FGD4: variants seen among roughly 807,000 people sequenced by gnomAD.
FGD4 encodes FYVE, RhoGEF and PH domain-containing protein 4.
Under a neutral mutation model 102.0 loss-of-function variants are expected in FGD4, and 42 were observed. That is an observed-to-expected ratio of 0.41 (90% confidence interval 0.32 to 0.53). The LOEUF is 0.53. Ranked by LOEUF, FGD4 falls within the 20% of genes least tolerant of loss-of-function variation. FGD4 has a pLI of 0.21. For missense variants in FGD4, 902 were observed against 1,078.2 expected, an observed-to-expected ratio of 0.84 and a Z score of 2.29; for synonymous variants, 380 against 375.7, an observed-to-expected ratio of 1.01 and a Z score of -0.13.
At chr12:32,464,120 T>C (rs1943184118) in intron 1 of FGD4, among the ~76,000 whole-genome samples, 1 of 152,170 alleles carries the variant, frequency 6.6e-6, no homozygotes, top group South Asian at 2.1e-4. Flanking sequence ...TGAAACGTTA[T>C]GTATGTACAT....
chr12:32,640,451 C>G lies in FGD4; in HGVS notation c.2630C>G (p.Thr877Arg), dbSNP rs1460751215. 1 of 1,614,142 alleles carries G rather than the reference C, an allele frequency of 6.2e-7. No homozygotes were observed. ...KWLKVILLAV[T>R]GETPGGPNEH... ...CTGAAAGTCATCCTTTTAGCTGTCACAGGTGAGACACCAGGTGGTCCAAAT... is the reference window on the plus strand; with the variant it reads ...CTGAAAGTCATCCTTTTAGCTGTCAGAGGTGAGACACCAGGTGGTCCAAAT... The change falls in exon 17 of 17, where the codon ACA becomes AGA. Residue 877 changes from threonine to arginine, a missense_variant. This residue lies in a region of FGD4 where 459 missense variants were observed against 619.0 expected (regional missense o/e 0.74). Transcript: ENST00000534526.
In FGD4 at chr12:32,506,344, C is replaced by T. The variant is rs1166049677; in HGVS notation, c.167-57793C>T. On this transcript the variant is annotated intron_variant, in intron 1 of 16. Transcript: ENST00000534526. The surrounding 1 kb of genome is among the most constrained non-coding windows in gnomAD (Gnocchi z 4.5). Reference sequence around the variant, plus strand: ...CATTAACTGCCAAGCCAATTGGATGCATATGTTTCTCAGCTTGCAGGCATT... The same window carrying T: ...CATTAACTGCCAAGCCAATTGGATGTATATGTTTCTCAGCTTGCAGGCATT... Among the ~76,000 whole-genome samples, 1 of 152,168 alleles carries T rather than the reference C, an allele frequency of 6.6e-6. No individual in the cohort carries two copies. Among genetic ancestry groups the T allele is most frequent in the African/African-American group, 2.4e-5 (1 of 41,442 alleles).
intron 1 of FGD4, chr12:32,534,568 T>A (rs1417546932): frequency 1.1e-6 from 1 of 905,770 alleles, no homozygotes; most frequent in Non-Finnish European, 1.5e-6. Flanking sequence ...TAACACTGCA[T>A]GCCGAGGGAT....
chr12:32,632,721 T>A (rs974228127), intron 14 of FGD4, among the ~76,000 whole-genome samples: 13 of 134,588 alleles, frequency 9.7e-5, no homozygotes, highest in Admixed American at 3.9e-4. Context: ...TTATTTTTTT[T>A]TTTTGAGACA....
intron 1 of FGD4, among the ~76,000 whole-genome samples, chr12:32,426,075 C>T (rs1941819926): frequency 6.6e-6 from 1 of 152,126 alleles, no homozygotes; most frequent in Non-Finnish European, 1.5e-5. Context: ...TGCCTGATTG[C>T]CCTGGCCAGA....
At chr12:32,550,831 AC>A (rs1198908772) in intron 1 of FGD4, among the ~76,000 whole-genome samples, 4 of 152,182 alleles carry the variant, frequency 2.6e-5, no homozygotes, top group Non-Finnish European at 5.9e-5. Context: ...AATCCAGGAC[AC>A]ACATTTACAA....
At chr12:32,557,213 A>T (rs1181365225) in intron 1 of FGD4, among the ~76,000 whole-genome samples, 2 of 152,220 alleles carry the variant, frequency 1.3e-5, no homozygotes, top group Non-Finnish European at 2.9e-5. Context: ...ATAGATTTTT[A>T]AAAATATAAG....
chr12:32,474,736 T>A (rs989897307), intron 1 of FGD4, among the ~76,000 whole-genome samples: 1 of 151,814 alleles, frequency 6.6e-6, no homozygotes. Context: ...ATGGCGAAAT[T>A]TCTACAAAAA....
chr12:32,629,516 T>C (rs1950372154), intron 14 of FGD4, among the ~76,000 whole-genome samples: 1 of 152,244 alleles, frequency 6.6e-6, no homozygotes, highest in South Asian at 2.1e-4. Context: ...AGAAAAGTTA[T>C]GATATGTTAT....
chr12:32,625,378 T>C (rs182643844), intron 13 of FGD4, among the ~76,000 whole-genome samples: 45 of 151,908 alleles, frequency 3.0e-4, no homozygotes, highest in African/African-American at 1.0e-3. Context: ...CAAGCGATTT[T>C]CCTGCCTTAG....
At chr12:32,444,652 G>A (rs750637406) in intron 1 of FGD4, among the ~76,000 whole-genome samples, 8 of 152,056 alleles carry the variant, frequency 5.3e-5, no homozygotes, top group Non-Finnish European at 8.8e-5. Flanking sequence ...TGACCCACCC[G>A]CCCCGGCTTC....
chr12:32,624,568 T>G, intron 12 of FGD4, 116 bp downstream of exon 12: 2 of 880,360 alleles, frequency 2.3e-6, no homozygotes, highest in Non-Finnish European at 3.6e-6. Flanking sequence ...CTGTCTGGGC[T>G]CAAGCAAGCC....
chr12:32,627,647 TAAATTTA>T (rs1411904632), intron 14 of FGD4, among the ~76,000 whole-genome samples: 1 of 152,066 alleles, frequency 6.6e-6, no homozygotes, highest in East Asian at 1.9e-4. Context: ...TTTACAGTTA[TAAATTTA>T]AAGGGACACT....
chr12:32,409,487 C>T (rs796415438), intron 1 of FGD4, among the ~76,000 whole-genome samples: 1 of 151,838 alleles, frequency 6.6e-6, no homozygotes, highest in African/African-American at 2.4e-5. Flanking sequence ...CGGGGTTTCA[C>T]TGTTGGCCAG....
rs539864194 is a variant in FGD4 at position 32,513,990 on chromosome 12, TAAC to T, written c.167-50144_167-50142del. 2.0e-3 allele frequency among the ~76,000 whole-genome samples: 310 copies of T among 152,324 alleles called. 3 individuals carry two copies. Among genetic ancestry groups the T allele is most frequent in the African/African-American group, 7.2e-3 (299 of 41,576 alleles). ...TTCCCTTTTATGAAAAAGTAAAGTGTAACAATAAAAAGAAAATCAAATATTTCA... is the reference window on the plus strand; with the variant it reads ...TTCCCTTTTATGAAAAAGTAAAGTGTAATAAAAAGAAAATCAAATATTTCA... On this transcript the variant is annotated intron_variant, in intron 1 of 16. Coordinates refer to ENST00000534526, the MANE Select transcript of FGD4 (RefSeq NM_001370298.3).
intron 10 of FGD4, among the ~76,000 whole-genome samples, chr12:32,612,470 AG>A (rs1310381209): frequency 6.6e-6 from 1 of 152,226 alleles, no homozygotes; most frequent in Non-Finnish European, 1.5e-5. Flanking sequence ...CTGGCCACAA[AG>A]GTGTCCAGCT....
At chr12:32,573,790 A>G (rs1373312819) in intron 2 of FGD4, among the ~76,000 whole-genome samples, 1 of 152,194 alleles carries the variant, frequency 6.6e-6, no homozygotes, top group African/African-American at 2.4e-5. Context: ...ACTTTTATCA[A>G]CATCATTAAA....
intron 4 of FGD4, 107 bp downstream of exon 4, chr12:32,582,574 A>G (rs958572199): frequency 1.4e-6 from 2 of 1,438,940 alleles, no homozygotes; most frequent in African/African-American, 2.8e-5. Context: ...CAGATCACCC[A>G]CACTGGCAGT....
intron 1 of FGD4, chr12:32,486,125 G>A: frequency 6.5e-7 from 1 of 1,530,394 alleles, no homozygotes; most frequent in South Asian, 1.2e-5. Flanking sequence ...GTTATGAAAA[G>A]AATCTTTTAT....
Sources: allele counts gnomAD v4.1 joint callset (sites outside exome capture counted in the v4.1 genomes callset), GRCh38; gene constraint gnomAD v4.1.1; regional missense constraint gnomAD v4.1.1; non-coding constraint Gnocchi (gnomAD v3.1); transcripts MANE v1.5; gene names NCBI Gene and HGNC (gene_info 2026-07-23, HGNC 2026-07-21).